The following RAB27A variants were observed in gnomAD, a reference collection of about 807,000 sequenced individuals.
RAB27A encodes RAB27A, member RAS oncogene family, also known as ras-related protein Rab-27A.
Under a neutral mutation model 20.8 loss-of-function variants are expected in RAB27A, and 17 were observed. The observed-to-expected ratio is 0.82, with a 90% CI of 0.56 to 1.23. The LOEUF is 1.23. RAB27A is among the 50% of genes most tolerant of loss of function. RAB27A has a pLI of 0.00. For missense variants in RAB27A, 277 were observed against 266.7 expected (o/e 1.04, Z -0.27); for synonymous variants, 85 against 92.8 (o/e 0.92, Z 0.48).
At chr15:55,210,891 G>T (rs373367595) in intron 6 of RAB27A, among the ~76,000 whole-genome samples, 3 of 152,074 alleles carry the variant, frequency 2.0e-5, no homozygotes, top group East Asian at 3.8e-4. Context: ...TAGTTTCATA[G>T]TTTCAAGTCC....
At chr15:55,304,224 C>T (rs1055278946) in intron 2 of RAB27A, among the ~76,000 whole-genome samples, 5 of 150,394 alleles carry the variant, frequency 3.3e-5, no homozygotes, top group Middle Eastern at 3.4e-3. Context: ...GGATTAAGGG[C>T]GGTGCAAGAT....
intron 2 of RAB27A, among the ~76,000 whole-genome samples, chr15:55,266,606 A>C (rs765317415): frequency 6.6e-6 from 1 of 152,352 alleles, no homozygotes; most frequent in Admixed American, 6.5e-5. Context: ...AGAAGATGAT[A>C]ATTATTATAA....
intron 2 of RAB27A, among the ~76,000 whole-genome samples, chr15:55,251,279 C>G (rs1316720607): frequency 6.6e-6 from 1 of 152,106 alleles, no homozygotes; most frequent in African/African-American, 2.4e-5. Context: ...CTATTTAAAG[C>G]TTAAGAGAAT....
At chr15:55,250,790 T>G (rs1193841790) in intron 2 of RAB27A, among the ~76,000 whole-genome samples, 2 of 152,356 alleles carry the variant, frequency 1.3e-5, no homozygotes, top group Non-Finnish European at 2.9e-5. Context: ...ATAGGAAACC[T>G]ACATAATGTC....
chr15:55,231,294 A>C (rs1406586657), intron 3 of RAB27A, among the ~76,000 whole-genome samples: 1 of 152,156 alleles, frequency 6.6e-6, no homozygotes, highest in Non-Finnish European at 1.5e-5. Flanking sequence ...GTGCAGATGT[A>C]TTTTTGGTAG....
At chr15:55,285,304 A>AAACAACC (rs1380450932) in intron 1 of RAB27A, among the ~76,000 whole-genome samples, 1 of 149,576 alleles carries the variant, frequency 6.7e-6, no homozygotes, top group Non-Finnish European at 1.5e-5. Context: ...GACGAAAAAC[A>AAACAACC]AACAACCAAA....
chr15:55,222,408 A>G (rs1248951628), intron 6 of RAB27A, among the ~76,000 whole-genome samples: 3 of 152,014 alleles, frequency 2.0e-5, no homozygotes, highest in Non-Finnish European at 1.5e-5. Context: ...GCCTCTGCCC[A>G]CCTCACAGAC....
intron 3 of RAB27A, among the ~76,000 whole-genome samples, chr15:55,233,927 C>T (rs1157663153): frequency 2.0e-5 from 3 of 152,084 alleles, no homozygotes; most frequent in South Asian, 2.1e-4. Context: ...CATTAGGGCC[C>T]TACTGTTATT....
At chr15:55,223,377 T>G (rs553037724) in intron 6 of RAB27A, among the ~76,000 whole-genome samples, 8 of 151,790 alleles carry the variant, frequency 5.3e-5, no homozygotes, top group South Asian at 2.1e-4. Flanking sequence ...GGCATGATGG[T>G]GGACTCCTGT....
At chr15:55,297,886 A>G (rs2054955978) in intron 2 of RAB27A, among the ~76,000 whole-genome samples, 1 of 152,140 alleles carries the variant, frequency 6.6e-6, no homozygotes, top group Non-Finnish European at 1.5e-5. Flanking sequence ...ATTCTACAAC[A>G]CAGCAGGCCA....
At chr15:55,230,032 C>T (rs8039254) in intron 4 of RAB27A, among the ~76,000 whole-genome samples, 30,190 of 152,098 alleles carry the variant, frequency 0.2, 5,022 homozygotes, top group African/African-American at 0.44. Context: ...CCCCTGGTCA[C>T]ATGAATTAAT....
intron 2 of RAB27A, among the ~76,000 whole-genome samples, chr15:55,264,698 A>AT (rs1459725188): frequency 6.6e-6 from 1 of 152,314 alleles, no homozygotes; most frequent in Admixed American, 6.5e-5. Context: ...TGATAAGTAA[A>AT]TTGGCCTCCA....
At chr15:55,312,259 G>C (rs1404280959) in intron 2 of RAB27A, among the ~76,000 whole-genome samples, 1 of 152,200 alleles carries the variant, frequency 6.6e-6, no homozygotes, top group African/African-American at 2.4e-5. Flanking sequence ...GGGGTGGACG[G>C]CGAGCAAAAG....
intron 3 of RAB27A, among the ~76,000 whole-genome samples, chr15:55,232,360 A>G (rs752642984): frequency 2.2e-4 from 33 of 152,342 alleles, no homozygotes; most frequent in Non-Finnish European, 4.6e-4. Flanking sequence ...CAAGAAACCC[A>G]GGTAGGGGAA....
rs1003872035 is a variant in RAB27A at position 55,252,829 on chromosome 15, GCCAA to G, written c.-23+17332_-23+17335del. 1.0e-3 allele frequency among the ~76,000 whole-genome samples: 152 copies of G among 152,114 alleles called. 1 individual carries two copies. The highest frequency in any genetic ancestry group is 3.5e-3 in the African/African-American group (147 of 41,514). On this transcript the variant is annotated intron_variant, in intron 2 of 6. Coordinates refer to ENST00000336787, the MANE Select transcript of RAB27A (RefSeq NM_183235.3). ...CAATCAACTTGCTTTCCTCTACTCT[GCCAA>G]CCAGTTTGAAAGGCTCCCTGGCCGG...
chr15:55,252,636 A>C (rs2141040654), intron 2 of RAB27A, among the ~76,000 whole-genome samples: 1 of 152,120 alleles, frequency 6.6e-6, no homozygotes, highest in South Asian at 2.1e-4. Context: ...TAATTCATCC[A>C]TGCAGCCAAA....
At chr15:55,230,523 C>T in intron 3 of RAB27A, 37 bp from the exon 4 acceptor site, 1 of 1,535,164 alleles carries the variant, frequency 6.5e-7, no homozygotes, top group South Asian at 1.1e-5. Context: ...CAAAAGAGAA[C>T]TTCTAACACC....
rs137893315 is a variant in RAB27A at position 55,256,905 on chromosome 15, G to A, written c.-23+13260C>T. ...AGCTTAGTCATGAGAAATTTAAGTG[G>A]GGTCATGGTGACAGTTGTCCCTTCT... On this transcript the variant is annotated intron_variant, in intron 2 of 6. Transcript: ENST00000336787. Among the ~76,000 whole-genome samples, 742 of 152,272 alleles carry A rather than the reference G, an allele frequency of 4.9e-3. 7 individuals are homozygous for A. Among genetic ancestry groups the A allele is most frequent in the African/African-American group, 0.017 (717 of 41,548 alleles).
intron 6 of RAB27A, among the ~76,000 whole-genome samples, chr15:55,220,048 G>T (rs1298992303): frequency 2.0e-5 from 3 of 151,712 alleles, no homozygotes; most frequent in South Asian, 2.1e-4. Flanking sequence ...CATACAATTT[G>T]CCCTTTACAT....
Sources: allele counts gnomAD v4.1 joint callset (sites outside exome capture counted in the v4.1 genomes callset), GRCh38; gene constraint gnomAD v4.1.1; transcripts MANE v1.5; gene names NCBI Gene and HGNC (gene_info 2026-07-23, HGNC 2026-07-21).